Variants in KHDRBS2 observed in about 807,000 individuals in gnomAD.
KHDRBS2 encodes the protein KH RNA binding domain containing, signal transduction associated 2, also known as KH domain-containing, RNA-binding, signal transduction-associated protein 2.
Under a neutral mutation model 44.3 loss-of-function variants are expected in KHDRBS2, and 26 were observed. That is an observed-to-expected ratio of 0.59 (90% CI 0.43 to 0.81). The LOEUF (loss-of-function observed/expected upper bound fraction) is 0.81. Among genes scored for constraint, KHDRBS2 ranks in the 40% least tolerant of loss-of-function variants. The probability of loss-of-function intolerance (pLI) is 0.00; values close to 1 mark genes in which losing one functional copy is unlikely to be tolerated. For synonymous variants in KHDRBS2, 194 were observed against 151.1 expected (o/e 1.28, Z -2.08); for missense variants, 476 against 433.1 (o/e 1.10, Z -0.88).
chr6:61,731,067 G>A (rs1387543160), intron 7 of KHDRBS2, among the ~76,000 whole-genome samples: 2 of 152,100 alleles, frequency 1.3e-5, no homozygotes, highest in African/African-American at 4.8e-5. Context: ...TGTTTGTCGA[G>A]TGTAGTAACT....
At chr6:61,550,194 C>T in the KHDRBS2 span, among the ~76,000 whole-genome samples, 1 of 152,076 alleles carries the variant, frequency 6.6e-6, no homozygotes, top group East Asian at 1.9e-4. Context: ...AATCCTCGCC[C>T]TCCTCCCACC....
the KHDRBS2 span, among the ~76,000 whole-genome samples, chr6:61,552,988 G>T: frequency 6.6e-6 from 1 of 152,102 alleles, no homozygotes; most frequent in African/African-American, 2.4e-5. Context: ...CTCTGCCAGG[G>T]TTTTGGTATC....
chr6:62,112,751 T>C (rs568963910), intron 2 of KHDRBS2, among the ~76,000 whole-genome samples: 81 of 152,274 alleles, frequency 5.3e-4, no homozygotes, highest in Middle Eastern at 6.8e-3. Context: ...AGGAATACTG[T>C]CCAACAAAGT....
intron 6 of KHDRBS2, among the ~76,000 whole-genome samples, chr6:61,808,255 A>G (rs1050267251): frequency 2.6e-5 from 4 of 152,166 alleles, no homozygotes; most frequent in Admixed American, 2.6e-4. Flanking sequence ...TCAAGGGACA[A>G]TCACATTCAG....
intron 1 of KHDRBS2, among the ~76,000 whole-genome samples, chr6:62,253,508 T>C (rs775810024): frequency 8.6e-5 from 13 of 151,910 alleles, no homozygotes; most frequent in Non-Finnish European, 1.3e-4. Flanking sequence ...TTTGGCCTTT[T>C]CTTCCGTCCC....
the KHDRBS2 span, among the ~76,000 whole-genome samples, chr6:61,568,913 G>T: frequency 6.6e-6 from 1 of 152,164 alleles, no homozygotes; most frequent in African/African-American, 2.4e-5. Flanking sequence ...GAATTTTCTT[G>T]AGCAGAATCT....
intron 6 of KHDRBS2, among the ~76,000 whole-genome samples, chr6:61,749,884 C>T (rs1777409971): frequency 6.6e-6 from 1 of 152,064 alleles, no homozygotes; most frequent in African/African-American, 2.4e-5. Context: ...ATTTCCAAGT[C>T]TTTGATGATT....
At position 62,257,950 on chromosome 6, in the gene KHDRBS2, A is replaced by G. The variant is rs1485922469; in HGVS notation, c.91+27908T>C. On this transcript the variant is annotated intron_variant, in intron 1 of 8. Transcript: ENST00000281156. ...AAGCCTGAAGCATGTTTAACTAGTT[A>G]CCAATAGAAATTGAGTATCCCTAAT... Among the ~76,000 whole-genome samples, 3 of 152,038 alleles carry G rather than the reference A, an allele frequency of 2.0e-5. No individual in the cohort carries two copies. The South Asian group carries it at 6.2e-4, about 32-fold the overall frequency.
the KHDRBS2 span, among the ~76,000 whole-genome samples, chr6:61,569,853 A>G: frequency 1.3e-5 from 2 of 152,328 alleles, no homozygotes; most frequent in East Asian, 1.9e-4. Context: ...GCTCCTGGGA[A>G]GTCCCATCCC....
At chr6:61,601,116 C>G in the KHDRBS2 span, among the ~76,000 whole-genome samples, 1 of 152,136 alleles carries the variant, frequency 6.6e-6, no homozygotes, top group South Asian at 2.1e-4. Context: ...GTGGGGATGC[C>G]TGCTTTGGCT....
Position 61,894,721 on chromosome 6 carries a change from C to T in KHDRBS2, c.724G>A (p.Val242Ile). Residue 242 changes from valine (V) to isoleucine (I), a missense_variant, in exon 6 of 9, where the codon GTC becomes ATC. Transcript: ENST00000281156. ...GCCCCCCGGGCTCGAGGGGTAGGGA[C>T]ACCTCTTGCTACAGGTGGCACTGGA... ...ALPVPPVARG[V>I]PTPRARGAPT... 1.2e-6 allele frequency: 2 copies of T among 1,613,584 alleles called. No individual in the cohort carries two copies. The highest frequency in any genetic ancestry group is 1.7e-5 in the Admixed American group (1 of 59,956).
chr6:62,114,689 C>A (rs971733019), intron 2 of KHDRBS2, among the ~76,000 whole-genome samples: 6 of 151,374 alleles, frequency 4.0e-5, no homozygotes, highest in African/African-American at 1.5e-4. Flanking sequence ...TTTACATATA[C>A]TAAATACATT....
At chr6:62,137,162 G>A (rs535929298) in intron 2 of KHDRBS2, among the ~76,000 whole-genome samples, 3 of 151,782 alleles carry the variant, frequency 2.0e-5, no homozygotes, top group Admixed American at 6.6e-5. Context: ...CACCATGCCC[G>A]GCTAATTTGT....
At chr6:62,224,583 C>T (rs1216287853) in intron 1 of KHDRBS2, among the ~76,000 whole-genome samples, 3 of 152,142 alleles carry the variant, frequency 2.0e-5, no homozygotes, top group Admixed American at 6.6e-5. Flanking sequence ...CACCATCCTA[C>T]GGATTTCAAG....
At chr6:62,158,533 C>G (rs946767301) in intron 2 of KHDRBS2, among the ~76,000 whole-genome samples, 1 of 152,124 alleles carries the variant, frequency 6.6e-6, no homozygotes, top group Non-Finnish European at 1.5e-5. Flanking sequence ...CATTATCTTT[C>G]CACAGATCTC....
chr6:61,810,065 T>C (rs534817456), intron 6 of KHDRBS2, among the ~76,000 whole-genome samples: 7 of 152,224 alleles, frequency 4.6e-5, no homozygotes, highest in South Asian at 4.1e-4. Flanking sequence ...AATCACTGAA[T>C]TGGACACTTC....
the KHDRBS2 span, among the ~76,000 whole-genome samples, chr6:61,594,983 T>A: frequency 6.6e-6 from 1 of 152,010 alleles, no homozygotes; most frequent in Non-Finnish European, 1.5e-5. Context: ...AGAGACTCAG[T>A]TCCCAAATAA....
chr6:62,077,756 A>C (rs528622757), intron 2 of KHDRBS2, among the ~76,000 whole-genome samples: 1 of 152,034 alleles, frequency 6.6e-6, no homozygotes, highest in Non-Finnish European at 1.5e-5. Context: ...GACAACCTTG[A>C]CACCTGTCAG....
intron 2 of KHDRBS2, among the ~76,000 whole-genome samples, chr6:62,079,486 A>G (rs1796986345): frequency 6.6e-6 from 1 of 152,078 alleles, no homozygotes; most frequent in Non-Finnish European, 1.5e-5. Context: ...TCTAAGACAA[A>G]TTCAATGCTG....
Sources: allele counts gnomAD v4.1 joint callset (sites outside exome capture counted in the v4.1 genomes callset), GRCh38; gene constraint gnomAD v4.1.1; transcripts MANE v1.5; gene names NCBI Gene and HGNC (gene_info 2026-07-23, HGNC 2026-07-21).